The following NR6A1 variants were observed in gnomAD, a reference collection of about 807,000 sequenced individuals.
The protein encoded by NR6A1 is retinoic acid receptor-related testis-associated receptor.
Under a neutral mutation model 59.1 loss-of-function variants are expected in NR6A1, and 7 were observed. That is an observed-to-expected ratio of 0.12 (90% CI 0.07 to 0.22). NR6A1 has a LOEUF of 0.22. Ranked by LOEUF, NR6A1 falls within the 10% of genes least tolerant of loss-of-function variation. The probability of loss-of-function intolerance (pLI) is 1.00; values close to 1 mark genes in which losing one functional copy is unlikely to be tolerated. For missense variants in NR6A1, 468 were observed against 611.6 expected, an observed-to-expected ratio of 0.77 and a Z score of 2.48; for synonymous variants, 243 against 236.1, an observed-to-expected ratio of 1.03 and a Z score of -0.27.
intron 9 of NR6A1, among the ~76,000 whole-genome samples, chr9:124,524,294 A>C (rs774738295): frequency 6.6e-6 from 1 of 152,166 alleles, no homozygotes; most frequent in Non-Finnish European, 1.5e-5. Flanking sequence ...CTCAAAGCTC[A>C]TGGGAAATTC....
intron 2 of NR6A1, among the ~76,000 whole-genome samples, chr9:124,555,776 A>G (rs1368222887): frequency 2.0e-5 from 3 of 152,224 alleles, no homozygotes; most frequent in Non-Finnish European, 4.4e-5. Context: ...CATCTGTTAA[A>G]TGGTGATTAT....
chr9:124,575,783 A>G (rs1310286605), intron 2 of NR6A1, among the ~76,000 whole-genome samples: 1 of 152,188 alleles, frequency 6.6e-6, no homozygotes, highest in Admixed American at 6.5e-5. Context: ...TAATACATGT[A>G]AAGTACATGT....
At chr9:124,677,234 CA>C (rs1262694682) in intron 2 of NR6A1, among the ~76,000 whole-genome samples, 1 of 152,000 alleles carries the variant, frequency 6.6e-6, no homozygotes, top group African/African-American at 2.4e-5. Flanking sequence ...TAGTAACTAC[CA>C]AGCTTTACTT....
chr9:124,527,269 TACA>T (rs1451596712), intron 7 of NR6A1, among the ~76,000 whole-genome samples: 1 of 152,098 alleles, frequency 6.6e-6, no homozygotes, highest in African/African-American at 2.4e-5. Flanking sequence ...TGTGGAGAAG[TACA>T]ACATTATTAA....
intron 2 of NR6A1, among the ~76,000 whole-genome samples, chr9:124,730,569 T>TA (rs1457743043): frequency 1.3e-5 from 2 of 151,174 alleles, no homozygotes; most frequent in African/African-American, 4.9e-5. Flanking sequence ...TTTTTTTTTT[T>TA]TTTTGGTGAC....
intron 2 of NR6A1, among the ~76,000 whole-genome samples, chr9:124,699,692 T>C (rs981131708): frequency 6.6e-6 from 1 of 152,226 alleles, no homozygotes; most frequent in African/African-American, 2.4e-5. Context: ...TCAATGACTT[T>C]TATTCATTCA....
chr9:124,547,059 T>C (rs1439979907), intron 3 of NR6A1, among the ~76,000 whole-genome samples: 1 of 152,264 alleles, frequency 6.6e-6, no homozygotes, highest in East Asian at 1.9e-4. Flanking sequence ...TGGCAGTGAT[T>C]TGATTAAAAA....
intron 2 of NR6A1, among the ~76,000 whole-genome samples, chr9:124,709,194 C>T (rs1235707226): frequency 6.6e-6 from 1 of 152,116 alleles, no homozygotes; most frequent in East Asian, 1.9e-4. Flanking sequence ...AGTCAGTTTC[C>T]AGAATCTCCA....
At chr9:124,630,210 G>GTTTTTTTT (rs71372979) in intron 2 of NR6A1, among the ~76,000 whole-genome samples, 7 of 95,358 alleles carry the variant, frequency 7.3e-5, no homozygotes, top group East Asian at 6.5e-4. Context: ...CTCCAAATCA[G>GTTTTTTTT]TTTTTTTTTT....
intron 1 of NR6A1, 101 bp from the exon 2 acceptor site, chr9:124,733,450 G>C (rs946791966): frequency 4.4e-6 from 4 of 904,604 alleles, no homozygotes; most frequent in Non-Finnish European, 5.5e-6. Flanking sequence ...TCTATACTCA[G>C]AAGTCAATTT....
At chr9:124,754,381 T>A (rs533896328) in intron 1 of NR6A1, among the ~76,000 whole-genome samples, 1 of 152,350 alleles carries the variant, frequency 6.6e-6, no homozygotes, top group Non-Finnish European at 1.5e-5. Context: ...TTATAAAAAT[T>A]CATATTGATG....
chr9:124,733,805 TATC>T (rs1238926382), intron 1 of NR6A1, among the ~76,000 whole-genome samples: 3 of 152,344 alleles, frequency 2.0e-5, no homozygotes, highest in African/African-American at 4.8e-5. Context: ...GACAGTGTAA[TATC>T]ATGTAAATTT....
chr9:124,648,455 T>C (rs1837001226), intron 2 of NR6A1, among the ~76,000 whole-genome samples: 1 of 152,132 alleles, frequency 6.6e-6, no homozygotes, highest in African/African-American at 2.4e-5. Context: ...GGAACATACC[T>C]TAAAATACAA....
intron 2 of NR6A1, among the ~76,000 whole-genome samples, chr9:124,726,329 C>T (rs1341320029): frequency 6.6e-6 from 1 of 152,178 alleles, no homozygotes. Flanking sequence ...CCTAACTGTC[C>T]TGCACCTCTA....
chr9:124,688,557 A>C (rs965255872), intron 2 of NR6A1, among the ~76,000 whole-genome samples: 1 of 152,240 alleles, frequency 6.6e-6, no homozygotes, highest in Non-Finnish European at 1.5e-5. Flanking sequence ...AACCACTGCT[A>C]CTGGGTTATA....
At chr9:124,587,655 C>T (rs980247511) in intron 2 of NR6A1, among the ~76,000 whole-genome samples, 6 of 152,202 alleles carry the variant, frequency 3.9e-5, no homozygotes, top group African/African-American at 1.4e-4. Flanking sequence ...ATTGGCCATT[C>T]CCATTCTTAT....
At chr9:124,660,648 CAAAAAAA>C (rs753242760) in intron 2 of NR6A1, among the ~76,000 whole-genome samples, 31 of 92,816 alleles carry the variant, frequency 3.3e-4, no homozygotes, top group South Asian at 1.1e-3. Context: ...TCTGAGAATA[CAAAAAAA>C]AAAAAAAAAA....
chr9:124,586,954 T>C (rs1305969026), intron 2 of NR6A1, among the ~76,000 whole-genome samples: 1 of 152,340 alleles, frequency 6.6e-6, no homozygotes, highest in East Asian at 1.9e-4. Flanking sequence ...GTGAATAAAA[T>C]GCTATTAAAC....
At chr9:124,523,518 A>ATT (rs11314511) in intron 9 of NR6A1, among the ~76,000 whole-genome samples, 12 of 143,272 alleles carry the variant, frequency 8.4e-5, no homozygotes, top group East Asian at 8.1e-4. Context: ...TCAAACATTG[A>ATT]TTTTTTTTTT....
Sources: gnomAD v4.1 joint callset for allele counts (sites outside exome capture counted in the v4.1 genomes callset) on GRCh38, gnomAD v4.1.1 for gene constraint, MANE v1.5 for transcripts, NCBI Gene and HGNC (gene_info 2026-07-23, HGNC 2026-07-21) for gene names.